Variants in ITGA11 observed in about 807,000 individuals in gnomAD.
ITGA11 encodes integrin alpha-11.
ITGA11 carries 97 observed loss-of-function variants against 141.9 expected under a neutral mutation model. The ratio of observed to expected loss-of-function variants is 0.68; its 90% CI spans 0.58 to 0.81. ITGA11 has a LOEUF of 0.81. Among genes scored for constraint, ITGA11 ranks in the 30% least tolerant of loss-of-function variants. The pLI is 0.00. For missense variants in ITGA11, 1,387 were observed against 1,559.2 expected, an observed-to-expected ratio of 0.89 and a Z score of 1.86; for synonymous variants, 658 against 624.6, an observed-to-expected ratio of 1.05 and a Z score of -0.80.
chr15:68,392,806 A>C (rs1344109930), intron 2 of ITGA11, among the ~76,000 whole-genome samples: 2 of 152,208 alleles, frequency 1.3e-5, no homozygotes, highest in East Asian at 3.8e-4. Flanking sequence ...CCTAGGAATA[A>C]GGGCAAAACT....
In ITGA11 at chr15:68,331,104, G is replaced by A. The variant is rs777671510; in HGVS notation, c.1778C>T (p.Thr593Ile). Reference protein sequence around the residue: ...SILKTPKQRITASELATGLQY... With the variant: ...SILKTPKQRIIASELATGLQY... ...GAGGCCGGTAGCCAGCTCTGAGGCT[G>A]TGATTCTCTGCAGGGCGCGGGAAGA... Residue 593 changes from threonine to isoleucine, a missense_variant, in exon 15 of 30, where the codon ACA becomes ATA. By Grantham distance (89) the Thr-to-Ile change is moderately conservative (BLOSUM62 -1). Transcript: ENST00000315757. 1.9e-6 allele frequency: 3 copies of A among 1,592,306 alleles called. No individual in the cohort carries two copies. The highest frequency in any genetic ancestry group is 1.3e-5 in the African/African-American group (1 of 74,446).
intron 22 of ITGA11, 94 bp downstream of exon 22, chr15:68,315,535 TGGGGGACAGGGCGTGGGGCAGC>T: frequency 1.1e-6 from 1 of 903,026 alleles, no homozygotes; most frequent in Non-Finnish European, 1.8e-6. Context: ...GTTGGGGCAG[TGGGGGACAGGGCGTGGGGCAGC>T]GGACTCAGTG....
rs142186535 is a variant in ITGA11, at chr15:68,348,282, TG to T, written c.1131+547del. 7.6e-3 allele frequency among the ~76,000 whole-genome samples: 1,157 copies of T among 151,724 alleles called. 15 individuals carry two copies. The highest frequency in any genetic ancestry group is 0.025 in the African/African-American group (1,050 of 41,342). ...GCAATCTGATGCAGCACCCACACAG[TG>T]GGGGGGGCCTATGAGTCACCTGCCA... On this transcript the variant is annotated intron_variant, in intron 10 of 29. Transcript: ENST00000315757.
At chr15:68,406,444 C>A (rs1896653129) in intron 1 of ITGA11, among the ~76,000 whole-genome samples, 1 of 152,142 alleles carries the variant, frequency 6.6e-6, no homozygotes, top group Admixed American at 6.5e-5. Flanking sequence ...TGGCTGTTCC[C>A]TCTTCCTGGA....
At position 68,361,717 on chromosome 15, in the gene ITGA11, G is replaced by A. The variant is rs775122016; in HGVS notation, c.358-13C>T. Reference sequence around the variant, plus strand: ...GGGGGCTGCAGGCCTGGGGAGGGCAGTGCAGATCCCCAGTCAGTGAGGGGA... The same window carrying A: ...GGGGGCTGCAGGCCTGGGGAGGGCAATGCAGATCCCCAGTCAGTGAGGGGA... On this transcript the variant is annotated splice_polypyrimidine_tract_variant and intron_variant, in intron 4 of 29. Transcript: ENST00000315757. 2 of 1,555,552 alleles carry A rather than the reference G, an allele frequency of 1.3e-6. No homozygotes were observed. The highest frequency in any genetic ancestry group is 1.2e-5 in the South Asian group (1 of 86,506).
rs182442570 is a variant in ITGA11 at position 68,377,164 on chromosome 15, A to T, written c.165-7880T>A. Among the ~76,000 whole-genome samples, 404 of 152,302 alleles carry T rather than the reference A, an allele frequency of 2.7e-3. 1 individual carries two copies. The highest frequency in any genetic ancestry group is 4.7e-3 in the Non-Finnish European group (317 of 68,018). On this transcript the variant is annotated intron_variant, in intron 2 of 29. Coordinates refer to ENST00000315757, the MANE Select transcript of ITGA11 (RefSeq NM_001004439.2). ...AAAATATGTAATAAATAATCCTTTA[A>T]TTGGTTCAAAAAATTCACTTATTTA...
Position 68,339,715 on chromosome 15 carries a change from C to T in ITGA11, c.1132-71G>A. 5.1e-6 allele frequency: 8 copies of T among 1,580,664 alleles called. No homozygotes were observed. The South Asian group carries it at 7.8e-5, about 15-fold the overall frequency. On this transcript the variant is annotated intron_variant, in intron 10 of 29. Coordinates refer to ENST00000315757, the MANE Select transcript of ITGA11 (RefSeq NM_001004439.2). Reference sequence around the variant, plus strand: ...CAGTTGCCAGGAGCCACATCAGGTCCTATGACCAGTGACGCCTCCACCAGC... The same window carrying T: ...CAGTTGCCAGGAGCCACATCAGGTCTTATGACCAGTGACGCCTCCACCAGC...
At chr15:68,423,264 T>C (rs981688253) in intron 1 of ITGA11, among the ~76,000 whole-genome samples, 2 of 152,028 alleles carry the variant, frequency 1.3e-5, no homozygotes, top group Admixed American at 6.5e-5. Flanking sequence ...GCGGGGGAAG[T>C]ACAGGACACC....
At chr15:68,323,275 G>C (rs1208447472) in intron 18 of ITGA11, among the ~76,000 whole-genome samples, 5 of 152,124 alleles carry the variant, frequency 3.3e-5, no homozygotes, top group African/African-American at 7.2e-5. Context: ...GGGCTTTACG[G>C]CATTCTAGCA....
At chr15:68,354,663 G>A (rs1895015866) in intron 7 of ITGA11, among the ~76,000 whole-genome samples, 1 of 152,162 alleles carries the variant, frequency 6.6e-6, no homozygotes. Context: ...GGTCTTCCCA[G>A]GACAGGTCCA....
At chr15:68,400,179 A>G (rs937164209) in intron 2 of ITGA11, among the ~76,000 whole-genome samples, 13 of 152,132 alleles carry the variant, frequency 8.5e-5, no homozygotes, top group African/African-American at 2.9e-4. Flanking sequence ...ATAGTCTTTA[A>G]CAAATTGTGC....
intron 28 of ITGA11, among the ~76,000 whole-genome samples, chr15:68,306,991 G>T (rs920280107): frequency 1.3e-5 from 2 of 152,012 alleles, no homozygotes; most frequent in Non-Finnish European, 2.9e-5. Context: ...CTCACTTCTC[G>T]TTGGGTCTCA....
At chr15:68,431,089 G>A (rs542894693) in intron 1 of ITGA11, among the ~76,000 whole-genome samples, 2 of 152,226 alleles carry the variant, frequency 1.3e-5, no homozygotes, top group African/African-American at 2.4e-5. Flanking sequence ...GCCGTCTTCC[G>A]CAGAACAGCA....
At chr15:68,422,324 T>A (rs1164539685) in intron 1 of ITGA11, among the ~76,000 whole-genome samples, 1 of 152,040 alleles carries the variant, frequency 6.6e-6, no homozygotes, top group Non-Finnish European at 1.5e-5. Context: ...AAACCTCTCA[T>A]CCTCTCATGC....
At chr15:68,381,354 G>A (rs564763851) in intron 2 of ITGA11, among the ~76,000 whole-genome samples, 1 of 152,258 alleles carries the variant, frequency 6.6e-6, no homozygotes, top group African/African-American at 2.4e-5. Flanking sequence ...CAGATAATAC[G>A]GGAATAGAGG....
At chr15:68,405,048 C>A (rs2140416120) in intron 1 of ITGA11, among the ~76,000 whole-genome samples, 1 of 152,266 alleles carries the variant, frequency 6.6e-6, no homozygotes, top group East Asian at 1.9e-4. Context: ...GTGCGCCACT[C>A]TCCTTCCCCT....
At chr15:68,409,936 G>T (rs764388064) in intron 1 of ITGA11, among the ~76,000 whole-genome samples, 1 of 152,082 alleles carries the variant, frequency 6.6e-6, no homozygotes, top group Non-Finnish European at 1.5e-5. Context: ...AGACACCACC[G>T]ACCGTCGTCA....
At chr15:68,381,767 G>T (rs1895867748) in intron 2 of ITGA11, among the ~76,000 whole-genome samples, 1 of 152,196 alleles carries the variant, frequency 6.6e-6, no homozygotes, top group Admixed American at 6.5e-5. Context: ...TGTTGGCCAG[G>T]CTGGTCTTGA....
In ITGA11 at chr15:68,328,425, G is replaced by A. The variant is rs1212611599; in HGVS notation, c.1902-163C>T. On this transcript the variant is annotated intron_variant, in intron 15 of 29. Coordinates refer to ENST00000315757, the MANE Select transcript of ITGA11 (RefSeq NM_001004439.2). This position sits in a 1 kb window ranked among gnomAD's most constrained non-coding sequence, Gnocchi z 4.8. ...CGAGGTGGAGGATGGAGGGGGCTTC[G>A]GATGTCAAAGGACTGGCAAGAGCGA... 2.0e-5 allele frequency among the ~76,000 whole-genome samples: 3 copies of A among 152,064 alleles called. No homozygotes were observed. Among genetic ancestry groups the A allele is most frequent in the African/African-American group, 4.8e-5 (2 of 41,394 alleles).
Sources: gnomAD v4.1 joint callset for allele counts (sites outside exome capture counted in the v4.1 genomes callset) on GRCh38, gnomAD v4.1.1 for gene constraint, Gnocchi (gnomAD v3.1) non-coding constraint, MANE v1.5 for transcripts, NCBI Gene and HGNC (gene_info 2026-07-23, HGNC 2026-07-21) for gene names.